OSBPL3: variants seen among roughly 807,000 people sequenced by gnomAD.
OSBPL3 encodes the protein oxysterol-binding protein-related protein 3.
In OSBPL3, 65 loss-of-function variants were observed where a neutral mutation model predicts 120.1. The ratio of observed to expected loss-of-function variants is 0.54; its 90% CI spans 0.44 to 0.67. The LOEUF is 0.67. Ranked by LOEUF, OSBPL3 falls within the 30% of genes least tolerant of loss-of-function variation. OSBPL3 has a pLI of 0.00. For missense variants in OSBPL3, 1,004 were observed against 1,082.1 expected, an observed-to-expected ratio of 0.93 and a Z score of 1.01; for synonymous variants, 416 against 402.6, an observed-to-expected ratio of 1.03 and a Z score of -0.40.
chr7:24,871,956 A>G lies in OSBPL3; in HGVS notation c.210T>C (p.His70=). 6.2e-7 allele frequency: 1 copy of G among 1,609,956 alleles called. No individual in the cohort carries two copies. Among genetic ancestry groups the G allele is most frequent in the Non-Finnish European group, 8.5e-7 (1 of 1,176,408 alleles). The part of the protein sequence containing the change: ...KKRKWPLKGW[H]KRFFYLDKGI... ...GGGAGGCCAAGACCAACCTTACCTT[A>G]TGCCAGCCTTTTAAGGGCCACTTCC... is the stretch of plus-strand genomic sequence containing the variant. Residue 70 remains histidine, a synonymous_variant, in exon 3 of 23, where the codon CAT becomes CAC. Transcript: ENST00000313367. This position sits in a 1 kb window ranked among gnomAD's most constrained non-coding sequence, Gnocchi z 4.8.
At position 24,815,123 on chromosome 7, in the gene OSBPL3, T is replaced by C; in HGVS notation, c.2108A>G (p.Tyr703Cys). Reference sequence around the variant, plus strand: ...CAGGTTCTTGATGACAATCTCTCCATAGTGCTCAATCCACCTCTGCCCGCT... The same window carrying C: ...CAGGTTCTTGATGACAATCTCTCCACAGTGCTCAATCCACCTCTGCCCGCT... ...ILSGQRWIEH[Y>C]GEIVIKNLHD... The change falls in exon 19 of 23, where the codon TAT becomes TGT. Residue 703 changes from tyrosine to cysteine, a missense_variant. Coordinates refer to ENST00000313367, the MANE Select transcript of OSBPL3 (RefSeq NM_015550.4). The surrounding 1 kb of genome is among the most constrained non-coding windows in gnomAD (Gnocchi z 5.1). 2 of 1,613,318 alleles carry C rather than the reference T, an allele frequency of 1.2e-6. No homozygotes were observed. The highest frequency in any genetic ancestry group is 2.2e-5 in the East Asian group (1 of 44,878).
In OSBPL3 at chr7:24,835,787, G is replaced by A. The variant is rs1035578187; in HGVS notation, c.1496-1051C>T. Among the ~76,000 whole-genome samples, 9 of 152,096 alleles carry A rather than the reference G, an allele frequency of 5.9e-5. No individual in the cohort carries two copies. The highest frequency in any genetic ancestry group is 8.8e-5 in the Non-Finnish European group (6 of 68,020). On this transcript the variant is annotated intron_variant, in intron 14 of 22. Transcript: ENST00000313367. This position sits in a 1 kb window ranked among gnomAD's most constrained non-coding sequence, Gnocchi z 4.8. Reference sequence around the variant, plus strand: ...AGCAACATAGATGGAGCTGGAGGCCGTTAACTAAGCAAACTAACACAGGAA... The same window carrying A: ...AGCAACATAGATGGAGCTGGAGGCCATTAACTAAGCAAACTAACACAGGAA...
chr7:24,919,982 A>G (rs373552476), intron 1 of OSBPL3, among the ~76,000 whole-genome samples: 2 of 152,202 alleles, frequency 1.3e-5, no homozygotes, highest in East Asian at 1.9e-4. Context: ...TGTTTATATA[A>G]AATTATTTAC....
chr7:24,870,927 CCT>C (rs944027418), intron 4 of OSBPL3, 82 bp from the exon 5 acceptor site: 24 of 865,848 alleles, frequency 2.8e-5, no homozygotes, highest in Admixed American at 1.1e-4. Flanking sequence ...TTCCACATCC[CCT>C]GATAGTAAAA....
intron 1 of OSBPL3, among the ~76,000 whole-genome samples, chr7:24,975,256 T>A (rs1352862508): frequency 2.0e-5 from 3 of 152,194 alleles, no homozygotes; most frequent in Non-Finnish European, 4.4e-5. Context: ...GAATTTGAGA[T>A]CTCCTTGCAA....
rs756516808 is a variant in OSBPL3 at position 24,863,491 on chromosome 7, C to A, written c.777+5G>T. On this transcript the variant is annotated splice_donor_5th_base_variant and intron_variant, in intron 8 of 22. Coordinates refer to ENST00000313367, the MANE Select transcript of OSBPL3 (RefSeq NM_015550.4). This position sits in a 1 kb window ranked among gnomAD's most constrained non-coding sequence, Gnocchi z 5.8. ...GAATGTCAACAGAAGAGGAGTCCGG[C>A]TCACCTGGATGGCGTTGATAGCTGG... 6.2e-7 allele frequency: 1 copy of A among 1,608,652 alleles called. No individual in the cohort carries two copies. Among genetic ancestry groups the A allele is most frequent in the South Asian group, 1.1e-5 (1 of 90,974 alleles).
At chr7:24,949,076 G>C (rs1045107490) in intron 1 of OSBPL3, among the ~76,000 whole-genome samples, 1 of 152,172 alleles carries the variant, frequency 6.6e-6, no homozygotes, top group African/African-American at 2.4e-5. Context: ...AACATTGTGA[G>C]TAATCTCACC....
chr7:24,807,582 G>A (rs912138412), intron 20 of OSBPL3, among the ~76,000 whole-genome samples: 2 of 152,070 alleles, frequency 1.3e-5, no homozygotes, highest in South Asian at 4.1e-4. Flanking sequence ...TCACTCTAGA[G>A]AATCTGTTTT....
intron 10 of OSBPL3, among the ~76,000 whole-genome samples, chr7:24,860,213 T>C (rs1800334940): frequency 2.0e-5 from 3 of 152,222 alleles, no homozygotes; most frequent in Admixed American, 2.0e-4. Flanking sequence ...CACTACAAGA[T>C]CCCTTGTGCT....
intron 1 of OSBPL3, among the ~76,000 whole-genome samples, chr7:24,974,190 G>C (rs1032069812): frequency 2.0e-5 from 3 of 152,202 alleles, no homozygotes; most frequent in Admixed American, 6.5e-5. Context: ...AGACAGCACA[G>C]ATAGAGAATT....
rs372185926 is a variant in OSBPL3 at position 24,948,372 on chromosome 7, C to G, written c.-150+31514G>C. Among the ~76,000 whole-genome samples the G allele has an allele frequency of 2.6e-4, 37 of 143,922 alleles. No homozygotes were observed. The East Asian group carries it at 7.7e-3, about 30-fold the overall frequency. The allele number at this position is 143,922 out of a possible 152,430, so 94.4% of individuals were successfully genotyped here. A position where few individuals can be genotyped will look rare whatever the true frequency, so the allele number is the denominator to read the frequency against. ...TATGGCTTACAGGTGGAAGTCAAAG[C>G]AAGCAGATTTACCTCATTTTTTTTT... On this transcript the variant is annotated intron_variant, in intron 1 of 22. Coordinates refer to ENST00000313367, the MANE Select transcript of OSBPL3 (RefSeq NM_015550.4).
At position 24,937,276 on chromosome 7, in the gene OSBPL3, C is replaced by T. The variant is rs1812540533; in HGVS notation, c.-150+42610G>A. Among the ~76,000 whole-genome samples the T allele has an allele frequency of 6.6e-6, 1 of 152,190 alleles. No homozygotes were observed. Among genetic ancestry groups the T allele is most frequent in the African/African-American group, 2.4e-5 (1 of 41,448 alleles). On this transcript the variant is annotated intron_variant, in intron 1 of 22. Coordinates refer to ENST00000313367, the MANE Select transcript of OSBPL3 (RefSeq NM_015550.4). The surrounding 1 kb of genome is among the most constrained non-coding windows in gnomAD (Gnocchi z 4.0). ...AATTCAATTTTCTCCCACCAGGTCC[C>T]TCCCACAACACGTGGGGATTATGGG... is the stretch of plus-strand genomic sequence containing the variant.
At position 24,835,845 on chromosome 7, in the gene OSBPL3, G is replaced by C. The variant is rs1796933207; in HGVS notation, c.1496-1109C>G. Reference sequence around the variant, plus strand: ...CCAAATGCATGTTCTCACTTGTAAAGGGGTACTAAACGTTAGTTCACATGA... The same window carrying C: ...CCAAATGCATGTTCTCACTTGTAAACGGGTACTAAACGTTAGTTCACATGA... On this transcript the variant is annotated intron_variant, in intron 14 of 22. Transcript: ENST00000313367. The surrounding 1 kb of genome is among the most constrained non-coding windows in gnomAD (Gnocchi z 4.8). Among the ~76,000 whole-genome samples the C allele has an allele frequency of 1.3e-5, 2 of 152,080 alleles. No individual in the cohort carries two copies. The highest frequency in any genetic ancestry group is 2.9e-5 in the Non-Finnish European group (2 of 68,018).
intron 1 of OSBPL3, among the ~76,000 whole-genome samples, chr7:24,928,196 T>TTTTTG (rs1811309480): frequency 6.7e-6 from 1 of 148,510 alleles, no homozygotes; most frequent in Non-Finnish European, 1.5e-5. Context: ...TCCTTTTTGT[T>TTTTTG]TTTTTTTTTT....
intron 1 of OSBPL3, among the ~76,000 whole-genome samples, chr7:24,925,037 T>C (rs1810872400): frequency 6.6e-6 from 1 of 152,238 alleles, no homozygotes; most frequent in Non-Finnish European, 1.5e-5. Flanking sequence ...TAAGAGCCAG[T>C]GGAACTATAC....
intron 1 of OSBPL3, among the ~76,000 whole-genome samples, chr7:24,919,420 T>A (rs12154682): frequency 0.27 from 41,195 of 151,908 alleles, 5,823 homozygotes; most frequent in South Asian, 0.39. Context: ...TAAAGGTCTT[T>A]AAAACAAATG....
At position 24,865,476 on chromosome 7, in the gene OSBPL3, G is replaced by C; in HGVS notation, c.550-11C>G. On this transcript the variant is annotated splice_polypyrimidine_tract_variant and intron_variant, in intron 6 of 22. Transcript: ENST00000313367. ...TGATATACTGCTACGCTGTTCCACG[G>C]ATGACAAAAGCACATTGTAAATGGA... 1 of 1,612,336 alleles carries C rather than the reference G, an allele frequency of 6.2e-7. No individual in the cohort carries two copies. Among genetic ancestry groups the C allele is most frequent in the Non-Finnish European group, 8.5e-7 (1 of 1,179,098 alleles).
Position 24,872,986 on chromosome 7 carries a change from G to A in OSBPL3, c.97-917C>T, listed in dbSNP as rs1802378020. Among the ~76,000 whole-genome samples the A allele has an allele frequency of 1.3e-5, 2 of 152,110 alleles. No homozygotes were observed. Among genetic ancestry groups the A allele is most frequent in the African/African-American group, 4.8e-5 (2 of 41,416 alleles). ...TATTGGGGTACAATATACATGAAATGCATGAATCTTAAGAGTATGCCTTGA... is the reference window on the plus strand; with the variant it reads ...TATTGGGGTACAATATACATGAAATACATGAATCTTAAGAGTATGCCTTGA... On this transcript the variant is annotated intron_variant, in intron 2 of 22. Coordinates refer to ENST00000313367, the MANE Select transcript of OSBPL3 (RefSeq NM_015550.4). This position sits in a 1 kb window ranked among gnomAD's most constrained non-coding sequence, Gnocchi z 4.1.
At chr7:24,884,049 GGGTCCAC>G (rs1389018835) in intron 2 of OSBPL3, among the ~76,000 whole-genome samples, 1 of 149,892 alleles carries the variant, frequency 6.7e-6, no homozygotes, top group Non-Finnish European at 1.5e-5. Context: ...TTTCTCAGTG[GGGTCCAC>G]TAGAAAACAA....
Sources: gnomAD v4.1 joint callset for allele counts (sites outside exome capture counted in the v4.1 genomes callset) on GRCh38, gnomAD v4.1.1 for gene constraint, Gnocchi (gnomAD v3.1) non-coding constraint, MANE v1.5 for transcripts, NCBI Gene and HGNC (gene_info 2026-07-23, HGNC 2026-07-21) for gene names.